Variants in CCSER1 observed in about 807,000 individuals in gnomAD.
The protein encoded by CCSER1 is serine-rich coiled-coil domain-containing protein 1.
CCSER1 carries 41 observed loss-of-function variants against 82.0 expected under a neutral mutation model. The observed-to-expected ratio is 0.50, with a 90% confidence interval of 0.39 to 0.65. The LOEUF (loss-of-function observed/expected upper bound fraction) is 0.65. Ranked by LOEUF, CCSER1 falls within the 30% of genes least tolerant of loss-of-function variation. CCSER1 has a pLI of 0.00. For missense variants in CCSER1, 1,119 were observed against 1,064.2 expected (o/e 1.05, Z -0.72); for synonymous variants, 414 against 383.9 (o/e 1.08, Z -0.92).
At chr4:90,674,517 TA>T (rs1733449178) in intron 6 of CCSER1, among the ~76,000 whole-genome samples, 1 of 151,966 alleles carries the variant, frequency 6.6e-6, no homozygotes, top group African/African-American at 2.4e-5. Context: ...TCGGCTTTTC[TA>T]ATGGGAAGAA....
chr4:90,514,591 A>G lies in CCSER1; in HGVS notation c.1724+46237A>G, dbSNP rs545786745. Among the ~76,000 whole-genome samples the G allele has an allele frequency of 2.0e-5, 3 of 152,048 alleles. No individual in the cohort carries two copies. In the South Asian group the frequency reaches 6.2e-4, roughly 32 times the overall value. On this transcript the variant is annotated intron_variant, in intron 5 of 10. Transcript: ENST00000509176. The stretch of plus-strand genomic sequence containing the variant: ...GCCAACATAGTGAAACCCCATCTCT[A>G]CTAAAAATACAAAAATTAGCTGGGC...
chr4:91,393,309 G>T (rs1046196796), intron 10 of CCSER1, among the ~76,000 whole-genome samples: 2 of 151,988 alleles, frequency 1.3e-5, no homozygotes, highest in Non-Finnish European at 2.9e-5. Flanking sequence ...ATGCCAAATA[G>T]TTGGGTTCTT....
intron 9 of CCSER1, among the ~76,000 whole-genome samples, chr4:90,932,982 G>GAGAGAGAAAGAAAGAAAGAA (rs1730228082): frequency 5.3e-5 from 1 of 18,856 alleles, no homozygotes; most frequent in Non-Finnish European, 9.4e-5. Context: ...AAGAAAGAAA[G>GAGAGAGAAAGAAAGAAAGAA]AGAAAGAAAG....
chr4:91,559,112 TAACA>T (rs796107108), intron 10 of CCSER1, among the ~76,000 whole-genome samples: 1 of 151,572 alleles, frequency 6.6e-6, no homozygotes, highest in Non-Finnish European at 1.5e-5. Context: ...TAATATTAAC[TAACA>T]AAGTTTGGAT....
At chr4:90,806,236 A>T (rs1757488004) in intron 7 of CCSER1, among the ~76,000 whole-genome samples, 1 of 152,232 alleles carries the variant, frequency 6.6e-6, no homozygotes, top group Admixed American at 6.5e-5. Context: ...TATGGCATAT[A>T]ATAAATATTT....
chr4:90,815,929 G>T, intron 8 of CCSER1, 84 bp downstream of exon 8: 1 of 801,056 alleles, frequency 1.2e-6, no homozygotes, highest in Non-Finnish European at 2.0e-6. Flanking sequence ...AACACCAATG[G>T]CATTAGTTAT....
At chr4:91,136,118 A>G (rs17243611) in intron 10 of CCSER1, among the ~76,000 whole-genome samples, 4,990 of 152,254 alleles carry the variant, frequency 0.033, 127 homozygotes, top group South Asian at 0.086. Flanking sequence ...TTGTCATCCA[A>G]AATTCCTCAT....
intron 7 of CCSER1, among the ~76,000 whole-genome samples, chr4:90,762,685 A>C (rs1344375499): frequency 6.6e-6 from 1 of 152,166 alleles, no homozygotes; most frequent in African/African-American, 2.4e-5. Context: ...GTTATTTCAC[A>C]CAAAAATAAC....
In CCSER1 at chr4:90,975,484, AAG is replaced by A. The variant is rs199579103; in HGVS notation, c.2172+52040_2172+52041del. The stretch of plus-strand genomic sequence containing the variant: ...AATAATAAAAGAATGAAAGAACTGA[AAG>A]AGTGAATTTTATGGTATGTGATTTA... On this transcript the variant is annotated intron_variant, in intron 9 of 10. Transcript: ENST00000509176. 2.0e-3 allele frequency among the ~76,000 whole-genome samples: 306 copies of A among 151,286 alleles called. 1 individual carries two copies. The highest frequency in any genetic ancestry group is 6.8e-3 in the Middle Eastern group (2 of 292).
chr4:90,801,735 T>A (rs1412795728), intron 7 of CCSER1, among the ~76,000 whole-genome samples: 4 of 152,314 alleles, frequency 2.6e-5, no homozygotes, highest in African/African-American at 9.6e-5. Context: ...GGATATATTT[T>A]AAAATTACAT....
intron 1 of CCSER1, among the ~76,000 whole-genome samples, chr4:90,229,439 G>A (rs13139400): frequency 5.9e-5 from 9 of 151,846 alleles, no homozygotes; most frequent in Non-Finnish European, 1.0e-4. Flanking sequence ...TTGTCACCAC[G>A]AGGCCTGCCC....
At chr4:91,099,902 G>T (rs1237601857) in intron 10 of CCSER1, among the ~76,000 whole-genome samples, 2 of 152,000 alleles carry the variant, frequency 1.3e-5, no homozygotes, top group Admixed American at 6.5e-5. Context: ...ATCTCTTTAG[G>T]CTTGGGAGGG....
At chr4:91,170,968 G>T (rs921343518) in intron 10 of CCSER1, among the ~76,000 whole-genome samples, 2 of 152,128 alleles carry the variant, frequency 1.3e-5, no homozygotes, top group Admixed American at 1.3e-4. Context: ...AGAAGCTGCT[G>T]GCCACATGTC....
At chr4:91,167,908 GCCACC>G (rs1732273734) in intron 10 of CCSER1, among the ~76,000 whole-genome samples, 1 of 149,192 alleles carries the variant, frequency 6.7e-6, no homozygotes, top group Admixed American at 6.6e-5. Context: ...CTGCCCGGCC[GCCACC>G]CCGTCTGGGA....
intron 3 of CCSER1, among the ~76,000 whole-genome samples, chr4:90,372,060 G>A (rs1457952623): frequency 1.3e-5 from 2 of 152,070 alleles, no homozygotes; most frequent in East Asian, 1.9e-4. Flanking sequence ...ATCAAAAATC[G>A]TTTGGAACTC....
intron 10 of CCSER1, among the ~76,000 whole-genome samples, chr4:91,395,418 T>G (rs1347801017): frequency 6.6e-6 from 1 of 152,038 alleles, no homozygotes; most frequent in East Asian, 1.9e-4. Flanking sequence ...GTTTAACTAC[T>G]TTCCAAATGC....
intron 1 of CCSER1, among the ~76,000 whole-genome samples, chr4:90,238,572 A>T (rs1031264680): frequency 2.6e-5 from 4 of 152,112 alleles, no homozygotes; most frequent in Non-Finnish European, 5.9e-5. Flanking sequence ...CTGTCAGGTG[A>T]TACTGCCCTT....
chr4:90,578,273 G>T (rs546936436), intron 5 of CCSER1, among the ~76,000 whole-genome samples: 3 of 152,042 alleles, frequency 2.0e-5, no homozygotes, highest in Non-Finnish European at 2.9e-5. Flanking sequence ...TTTAACATGG[G>T]TTTAAACTGG....
intron 10 of CCSER1, among the ~76,000 whole-genome samples, chr4:91,491,435 T>C (rs1354288020): frequency 2.0e-5 from 3 of 152,086 alleles, no homozygotes; most frequent in African/African-American, 7.2e-5. Flanking sequence ...AGATGTCAGC[T>C]ATACTCATTA....
Sources: gnomAD v4.1 joint callset for allele counts (sites outside exome capture counted in the v4.1 genomes callset) on GRCh38, gnomAD v4.1.1 for gene constraint, MANE v1.5 for transcripts, NCBI Gene and HGNC (gene_info 2026-07-23, HGNC 2026-07-21) for gene names.